RBBP8: variants seen among roughly 807,000 people sequenced by gnomAD.
The protein encoded by RBBP8 is RB binding protein 8, endonuclease, also known as DNA endonuclease RBBP8.
In RBBP8, 88 loss-of-function variants were observed where a neutral mutation model predicts 108.3. That is an observed-to-expected ratio of 0.81 (90% CI 0.68 to 0.97). The LOEUF (loss-of-function observed/expected upper bound fraction) is 0.97, where lower values mean the gene tolerates loss of function less well. Among genes scored for constraint, RBBP8 ranks in the 50% least tolerant of loss-of-function variants. The pLI, the probability that RBBP8 is intolerant of heterozygous loss-of-function variation, is 0.00. For missense variants in RBBP8, 1,023 were observed against 1,049.0 expected, an observed-to-expected ratio of 0.98 and a Z score of 0.34; for synonymous variants, 332 against 348.2, an observed-to-expected ratio of 0.95 and a Z score of 0.52.
chr18:22,968,703 C>A, intron 4 of RBBP8, 103 bp from the exon 5 acceptor site: 1 of 857,850 alleles, frequency 1.2e-6, no homozygotes, highest in Non-Finnish European at 1.9e-6. Flanking sequence ...TTGATTTTCA[C>A]AGTATTTGCC....
At chr18:22,949,867 A>C (rs754911889) in intron 4 of RBBP8, 154 bp downstream of exon 4, 252 of 605,334 alleles carry the variant, frequency 4.2e-4, no homozygotes, top group Non-Finnish European at 6.7e-4. Context: ...ACAAGGATCT[A>C]TTCTTTAAGA....
intron 5 of RBBP8, among the ~76,000 whole-genome samples, chr18:22,974,041 T>C (rs1914322889): frequency 1.3e-5 from 2 of 152,218 alleles, no homozygotes; most frequent in Admixed American, 6.5e-5. Flanking sequence ...CCAGAAAATT[T>C]ACTCAGTGTA....
chr18:22,917,541 T>C (rs1379518891), intron 3 of RBBP8, among the ~76,000 whole-genome samples: 3 of 152,230 alleles, frequency 2.0e-5, no homozygotes, highest in Non-Finnish European at 4.4e-5. Context: ...TCAGTATCCT[T>C]CTTACCCCTT....
At chr18:22,975,562 ATAAG>A (rs1914440698) in intron 6 of RBBP8, among the ~76,000 whole-genome samples, 1 of 152,102 alleles carries the variant, frequency 6.6e-6, no homozygotes, top group African/African-American at 2.4e-5. Context: ...GGCAAACTGA[ATAAG>A]TGTTTCCTCT....
intron 12 of RBBP8, among the ~76,000 whole-genome samples, chr18:22,995,803 A>C (rs972198690): frequency 1.2e-4 from 18 of 152,180 alleles, no homozygotes; most frequent in African/African-American, 4.3e-4. Context: ...ATTAGCTGAC[A>C]TTCAAGTTGT....
intron 3 of RBBP8, among the ~76,000 whole-genome samples, chr18:22,921,465 A>T (rs1909591427): frequency 6.6e-6 from 1 of 152,224 alleles, no homozygotes; most frequent in Non-Finnish European, 1.5e-5. Flanking sequence ...ACAGAAAGTC[A>T]GGTGAGGGAC....
In RBBP8 at chr18:22,949,613, T is replaced by A; in HGVS notation, c.153-5T>A. On this transcript the variant is annotated splice_region_variant and splice_polypyrimidine_tract_variant and intron_variant, in intron 3 of 18. Coordinates refer to ENST00000327155, the MANE Select transcript of RBBP8 (RefSeq NM_002894.3). ...TGAAAAACTTATTTATTTTTTGACC[T>A]TTAGAGATGCACAAAGACTAGAAGA... 6.2e-7 allele frequency: 1 copy of A among 1,600,096 alleles called. No individual in the cohort carries two copies. Among genetic ancestry groups the A allele is most frequent in the Non-Finnish European group, 8.6e-7 (1 of 1,168,168 alleles).
intron 2 of RBBP8, 146 bp from the exon 3 acceptor site, chr18:22,946,298 T>C (rs1911552296): frequency 2.0e-6 from 2 of 1,001,420 alleles, no homozygotes; most frequent in Admixed American, 2.7e-5. Context: ...CTTTTGTGAC[T>C]GCAGAGTACA....
intron 3 of RBBP8, among the ~76,000 whole-genome samples, chr18:22,923,430 A>C (rs922268714): frequency 1.3e-5 from 2 of 152,216 alleles, no homozygotes; most frequent in Admixed American, 1.3e-4. Flanking sequence ...CTGCCTGGAA[A>C]GCCTTCTGCC....
At chr18:23,009,231 CTTAAT>C (rs1338140518) in intron 16 of RBBP8, among the ~76,000 whole-genome samples, 1 of 152,080 alleles carries the variant, frequency 6.6e-6, no homozygotes, top group Non-Finnish European at 1.5e-5. Context: ...AACATAATTC[CTTAAT>C]TTATTTTATT....
At chr18:22,917,753 C>T (rs1319107547) in intron 3 of RBBP8, among the ~76,000 whole-genome samples, 1 of 152,134 alleles carries the variant, frequency 6.6e-6, no homozygotes, top group Non-Finnish European at 1.5e-5. Flanking sequence ...GTAATCCCAG[C>T]ACTTTGGGAG....
At chr18:23,007,674 G>A (rs2046078960) in intron 16 of RBBP8, among the ~76,000 whole-genome samples, 2 of 145,984 alleles carry the variant, frequency 1.4e-5, no homozygotes, top group South Asian at 4.5e-4. Flanking sequence ...CTCCAGCCTG[G>A]GCAACAGAGC....
chr18:22,934,874 C>G (rs1910397661), intron 1 of RBBP8: 1 of 151,752 alleles, frequency 6.6e-6, no homozygotes, highest in African/African-American at 2.4e-5. Context: ...CGCCTCTTCC[C>G]CCAACTCTAA....
At chr18:22,956,957 T>G (rs1384568447) in intron 4 of RBBP8, among the ~76,000 whole-genome samples, 2 of 152,206 alleles carry the variant, frequency 1.3e-5, no homozygotes, top group African/African-American at 4.8e-5. Flanking sequence ...GCATTTTTTT[T>G]GAAAATCTGA....
chr18:22,943,975 T>C (rs1023165411), intron 2 of RBBP8, among the ~76,000 whole-genome samples: 1 of 152,148 alleles, frequency 6.6e-6, no homozygotes, highest in African/African-American at 2.4e-5. Context: ...CAGTGCTTGG[T>C]CTTGTGAACA....
chr18:23,006,426 A>G lies in RBBP8; in HGVS notation c.2351A>G (p.Asp784Gly). ...KAFVEPYFKGDERETSLQNFP... is the reference protein window; with the variant it reads ...KAFVEPYFKGGERETSLQNFP... Reference sequence around the variant, plus strand: ...TTTGTGGAGCCGTATTTTAAAGGTGATGAAAGGTAAGTTGGTTTTTATTTA... The same window carrying G: ...TTTGTGGAGCCGTATTTTAAAGGTGGTGAAAGGTAAGTTGGTTTTTATTTA... Residue 784 changes from aspartate (D) to glycine (G), a missense_variant, in exon 16 of 19, where the codon GAT becomes GGT. Asp to Gly is a moderately conservative substitution (Grantham distance 94, BLOSUM62 -1). Transcript: ENST00000327155. 2 of 1,612,230 alleles carry G rather than the reference A, an allele frequency of 1.2e-6. No homozygotes were observed. The highest frequency in any genetic ancestry group is 1.7e-6 in the Non-Finnish European group (2 of 1,178,392).
At chr18:23,001,271 AAAGT>A (rs2045942681) in intron 14 of RBBP8, among the ~76,000 whole-genome samples, 3 of 152,238 alleles carry the variant, frequency 2.0e-5, no homozygotes, top group Admixed American at 2.0e-4. Context: ...AATACTCTGC[AAAGT>A]AAGGCCTGTA....
At chr18:23,024,061 T>TC (rs1177085552) in intron 18 of RBBP8, among the ~76,000 whole-genome samples, 2 of 146,300 alleles carry the variant, frequency 1.4e-5, no homozygotes, top group African/African-American at 5.1e-5. Context: ...TTTTTTTTTT[T>TC]TCTAGTAGAG....
At chr18:23,021,221 C>T (rs1319850224) in intron 17 of RBBP8, among the ~76,000 whole-genome samples, 1 of 152,028 alleles carries the variant, frequency 6.6e-6, no homozygotes, top group Non-Finnish European at 1.5e-5. Flanking sequence ...ACCAGCCTGG[C>T]CAACATATAG....
Sources: gnomAD v4.1 joint callset for allele counts (sites outside exome capture counted in the v4.1 genomes callset) on GRCh38, gnomAD v4.1.1 for gene constraint, MANE v1.5 for transcripts, NCBI Gene and HGNC (gene_info 2026-07-23, HGNC 2026-07-21) for gene names.